Variants in RALY observed in about 807,000 individuals in gnomAD.
RALY encodes the protein RALY heterogeneous nuclear ribonucleoprotein.
Under a neutral mutation model 30.7 loss-of-function variants are expected in RALY, and 15 were observed. The observed-to-expected ratio is 0.49, with a 90% CI of 0.33 to 0.75. The LOEUF is 0.75. RALY is among the 30% of genes least tolerant of loss of function. The probability of loss-of-function intolerance (pLI) is 0.02; values close to 1 mark genes in which losing one functional copy is unlikely to be tolerated. For missense variants in RALY, 339 were observed against 414.3 expected, an observed-to-expected ratio of 0.82 and a Z score of 1.58; for synonymous variants, 177 against 170.8, an observed-to-expected ratio of 1.04 and a Z score of -0.28.
At chr20:34,032,281 C>T (rs1476706490) in intron 2 of RALY, among the ~76,000 whole-genome samples, 3 of 152,070 alleles carry the variant, frequency 2.0e-5, no homozygotes, top group Non-Finnish European at 4.4e-5. Context: ...ACTTTCTTAG[C>T]TTTAGTTTTT....
intron 2 of RALY, among the ~76,000 whole-genome samples, chr20:34,045,522 T>C (rs944989886): frequency 1.1e-4 from 16 of 152,166 alleles, no homozygotes; most frequent in South Asian, 2.1e-4. Flanking sequence ...CCGAGGTCCA[T>C]TGGGCTGATG....
At chr20:34,024,831 C>T (rs1165433849) in intron 1 of RALY, among the ~76,000 whole-genome samples, 1 of 152,184 alleles carries the variant, frequency 6.6e-6, no homozygotes. Flanking sequence ...GGCAACCATA[C>T]AGTAGAGCCA....
chr20:34,083,947 T>C lies in RALY; in HGVS notation c.*4042T>C, dbSNP rs778931191. The C allele has an allele frequency of 1.2e-4, 19 of 152,234 alleles. No homozygotes were observed. Among genetic ancestry groups the C allele is most frequent in the Non-Finnish European group, 2.4e-4 (16 of 68,054 alleles). 9.4% of individuals were successfully genotyped at this position (152,234 alleles called of 1,614,324 possible). ...GATTCTTCATAATAAACTTCCTCCA[T>C]AACAGTAAACCATTTCCTGAACACC... is the stretch of plus-strand genomic sequence containing the variant. On this transcript the variant is annotated 3_prime_UTR_variant, in exon 10 of 10. Transcript: ENST00000246194.
intron 1 of RALY, among the ~76,000 whole-genome samples, chr20:34,005,398 A>G (rs1036307664): frequency 6.6e-6 from 1 of 152,096 alleles, no homozygotes; most frequent in East Asian, 1.9e-4. Flanking sequence ...AATCCCAGCT[A>G]CTGGGGAGGC....
At chr20:34,019,211 G>A (rs764354977) in intron 1 of RALY, among the ~76,000 whole-genome samples, 2 of 151,832 alleles carry the variant, frequency 1.3e-5, no homozygotes, top group East Asian at 3.9e-4. Flanking sequence ...CTGTAATCCC[G>A]GCTACTCGGG....
chr20:34,058,910 G>A (rs1601487446), intron 2 of RALY, among the ~76,000 whole-genome samples: 1 of 152,272 alleles, frequency 6.6e-6, no homozygotes, highest in East Asian at 1.9e-4. Flanking sequence ...TTTTAAACAG[G>A]AGGTGGCAGG....
rs1056291624 is a variant in RALY, at chr20:34,052,415, C to A, written c.-9-19651C>A. The stretch of plus-strand genomic sequence containing the variant: ...AAGGTCTCTAACCAAGGTCTACAGC[C>A]CATGGCAGAACCAAGTCTAAATCTC... On this transcript the variant is annotated intron_variant, in intron 2 of 9. Transcript: ENST00000246194. Among the ~76,000 whole-genome samples the A allele has an allele frequency of 3.9e-5, 6 of 152,108 alleles. 1 individual carries two copies. Among genetic ancestry groups the A allele is most frequent in the African/African-American group, 1.4e-4 (6 of 41,408 alleles).
At chr20:34,001,974 C>T (rs2300205) in intron 1 of RALY, among the ~76,000 whole-genome samples, 94,738 of 152,038 alleles carry the variant, frequency 0.62, 30,788 homozygotes, top group South Asian at 0.85. Context: ...TCACAGTGTT[C>T]GCCAGGATGG....
chr20:34,035,768 C>CAAA (rs1187559155), intron 2 of RALY, among the ~76,000 whole-genome samples: 2 of 152,066 alleles, frequency 1.3e-5, no homozygotes, highest in African/African-American at 4.8e-5. Flanking sequence ...CTGTAGTTTA[C>CAAA]GTTCTAGTAG....
chr20:33,995,709 G>A (rs574936640), intron 1 of RALY, among the ~76,000 whole-genome samples: 1 of 152,268 alleles, frequency 6.6e-6, no homozygotes, highest in African/African-American at 2.4e-5. Flanking sequence ...TTACCATCTG[G>A]TCCAACTTTT....
intron 2 of RALY, among the ~76,000 whole-genome samples, chr20:34,036,221 G>A (rs1233040669): frequency 2.0e-5 from 3 of 152,062 alleles, no homozygotes; most frequent in Non-Finnish European, 4.4e-5. Flanking sequence ...AGAGCAGACA[G>A]CCTTCCTTAC....
At chr20:34,063,914 C>T (rs2033490839) in intron 2 of RALY, among the ~76,000 whole-genome samples, 1 of 152,040 alleles carries the variant, frequency 6.6e-6, no homozygotes, top group South Asian at 2.1e-4. Context: ...TAGACCATCT[C>T]AGGGCACGTG....
At chr20:33,997,065 G>A (rs2030669170) in intron 1 of RALY, among the ~76,000 whole-genome samples, 1 of 152,122 alleles carries the variant, frequency 6.6e-6, no homozygotes, top group South Asian at 2.1e-4. Flanking sequence ...CTGTATCACT[G>A]AAGCCTGTTT....
intron 3 of RALY, 24 bp downstream of exon 3, chr20:34,072,354 T>TC: frequency 6.3e-7 from 1 of 1,598,500 alleles, no homozygotes. Context: ...CACTATATTC[T>TC]CCTAGTATTC....
intron 1 of RALY, among the ~76,000 whole-genome samples, chr20:33,998,338 A>G (rs1285441410): frequency 6.6e-6 from 1 of 152,210 alleles, no homozygotes; most frequent in African/African-American, 2.4e-5. Context: ...GAGAACAGAC[A>G]TAAGCCAGGA....
At chr20:33,994,912 T>C (rs2030532160) in intron 1 of RALY, among the ~76,000 whole-genome samples, 2 of 152,198 alleles carry the variant, frequency 1.3e-5, no homozygotes, top group Non-Finnish European at 2.9e-5. Flanking sequence ...TTCTGGTTTA[T>C]CCTCATTTAC....
chr20:34,039,900 C>G (rs955965557), intron 2 of RALY, among the ~76,000 whole-genome samples: 1 of 152,102 alleles, frequency 6.6e-6, no homozygotes, highest in African/African-American at 2.4e-5. Flanking sequence ...ATCACGAGGT[C>G]AAGAGATTGA....
intron 2 of RALY, chr20:34,065,174 A>G (rs1014406182): frequency 6.6e-6 from 1 of 152,222 alleles, no homozygotes; most frequent in African/African-American, 2.4e-5. Context: ...AGTGAAGGAG[A>G]TAGGAAGTGG....
At chr20:34,073,302 G>C (rs143509890) in intron 3 of RALY, among the ~76,000 whole-genome samples, 58 of 151,914 alleles carry the variant, frequency 3.8e-4, no homozygotes, top group African/African-American at 1.4e-3. Flanking sequence ...GTGGTGGGGC[G>C]GGGGGGAGGA....
Sources: allele counts gnomAD v4.1 joint callset (sites outside exome capture counted in the v4.1 genomes callset), GRCh38; gene constraint gnomAD v4.1.1; transcripts MANE v1.5; gene names NCBI Gene and HGNC (gene_info 2026-07-23, HGNC 2026-07-21).